Variants in FKBP5 observed in about 807,000 individuals in gnomAD.
FKBP5 encodes the protein peptidyl-prolyl cis-trans isomerase FKBP5.
A neutral mutation model predicts 50.5 loss-of-function variants in FKBP5; 23 were observed. The ratio of observed to expected loss-of-function variants is 0.46; its 90% CI spans 0.33 to 0.65. FKBP5 has a LOEUF of 0.65. Ranked by LOEUF, FKBP5 falls within the 30% of genes least tolerant of loss-of-function variation. The probability of loss-of-function intolerance (pLI) is 0.02; values close to 1 mark genes in which losing one functional copy is unlikely to be tolerated. For missense variants in FKBP5, 411 were observed against 553.1 expected (o/e 0.74, Z 2.58); for synonymous variants, 176 against 190.6 (o/e 0.92, Z 0.63).
chr6:35,586,903 G>A (rs907664472), intron 8 of FKBP5, 131 bp downstream of exon 8: 2 of 1,519,478 alleles, frequency 1.3e-6, no homozygotes, highest in African/African-American at 2.8e-5. Flanking sequence ...GAAAATGACA[G>A]ATTTATAAAA....
At chr6:35,587,966 A>G (rs1762658100) in intron 7 of FKBP5, among the ~76,000 whole-genome samples, 2 of 152,122 alleles carry the variant, frequency 1.3e-5, no homozygotes, top group Non-Finnish European at 2.9e-5. Context: ...TTCAAAAGAT[A>G]ACGAGTGTGT....
At chr6:35,655,386 AG>A (rs140593717) in intron 1 of FKBP5, among the ~76,000 whole-genome samples, 7 of 152,272 alleles carry the variant, frequency 4.6e-5, no homozygotes, top group Admixed American at 1.3e-4. Context: ...TTATTTGTCT[AG>A]GTTTTCTATA....
intron 8 of FKBP5, chr6:35,586,468 C>T (rs548958583): frequency 5.5e-5 from 54 of 986,832 alleles, no homozygotes; most frequent in Non-Finnish European, 6.4e-5. Flanking sequence ...TTCATCAAGA[C>T]AGTCTAAAGG....
At chr6:35,622,337 TCC>T (rs1407321367) in intron 3 of FKBP5, among the ~76,000 whole-genome samples, 10 of 151,894 alleles carry the variant, frequency 6.6e-5, no homozygotes, top group Non-Finnish European at 1.5e-4. Flanking sequence ...ATAGTGAAAC[TCC>T]ATCTCTACAA....
chr6:35,713,100 A>G (rs996731549), intron 2 of FKBP5, among the ~76,000 whole-genome samples: 17 of 150,684 alleles, frequency 1.1e-4, no homozygotes, highest in African/African-American at 4.1e-4. Flanking sequence ...AAAAAAAAAA[A>G]AAAGAAGAAG....
At chr6:35,710,619 A>AT (rs1418233713) in intron 2 of FKBP5, among the ~76,000 whole-genome samples, 1 of 152,250 alleles carries the variant, frequency 6.6e-6, no homozygotes, top group African/African-American at 2.4e-5. Context: ...GCATACACAC[A>AT]TTTGCCATAC....
intron 5 of FKBP5, among the ~76,000 whole-genome samples, chr6:35,615,639 T>C (rs1230274008): frequency 2.0e-5 from 3 of 152,152 alleles, no homozygotes; most frequent in African/African-American, 4.8e-5. Context: ...AGGATTCAAA[T>C]TAATGTAGAG....
chr6:35,669,825 A>T (rs1393059909), intron 1 of FKBP5, among the ~76,000 whole-genome samples: 1 of 152,222 alleles, frequency 6.6e-6, no homozygotes, highest in East Asian at 1.9e-4. Flanking sequence ...TGAAAAATTG[A>T]AAAAGCTTTC....
At chr6:35,705,243 TATATATATA>T (rs1766280050) in intron 2 of FKBP5, among the ~76,000 whole-genome samples, 1 of 2,860 alleles carries the variant, frequency 3.5e-4, no homozygotes, top group Non-Finnish European at 4.6e-4. Flanking sequence ...TATATATATA[TATATATATA>T]TATATATTTT....
chr6:35,611,952 C>T (rs758841709), intron 5 of FKBP5, among the ~76,000 whole-genome samples: 1 of 152,042 alleles, frequency 6.6e-6, no homozygotes, highest in Non-Finnish European at 1.5e-5. Flanking sequence ...TTCCCCGGAA[C>T]CTTGAGAAAT....
chr6:35,650,986 C>T (rs1170707917), intron 1 of FKBP5, among the ~76,000 whole-genome samples: 4 of 152,086 alleles, frequency 2.6e-5, no homozygotes, highest in African/African-American at 9.7e-5. Flanking sequence ...GAGCAGGTGA[C>T]GTCTTACCCA....
chr6:35,656,892 T>C (rs1418355788), intron 1 of FKBP5, among the ~76,000 whole-genome samples: 1 of 59,428 alleles, frequency 1.7e-5, no homozygotes, highest in African/African-American at 8.1e-5. Context: ...CAAGACTCCG[T>C]CTCAAAAAAA....
intron 2 of FKBP5, among the ~76,000 whole-genome samples, chr6:35,704,311 C>G (rs866050312): frequency 2.0e-4 from 30 of 152,180 alleles, no homozygotes; most frequent in African/African-American, 6.0e-4. Context: ...ACTGTGGTTT[C>G]CAGGATGACC....
At chr6:35,671,274 A>AC (rs1364592942) in intron 1 of FKBP5, among the ~76,000 whole-genome samples, 2 of 151,404 alleles carry the variant, frequency 1.3e-5, no homozygotes, top group African/African-American at 2.4e-5. Context: ...AAAAAAAAAA[A>AC]AAAATAATAA....
At chr6:35,674,273 A>C (rs943047209) in intron 1 of FKBP5, among the ~76,000 whole-genome samples, 3 of 152,240 alleles carry the variant, frequency 2.0e-5, no homozygotes, top group Non-Finnish European at 4.4e-5. Flanking sequence ...CTTTACTATC[A>C]AAATTAGCTT....
At chr6:35,685,931 G>A (rs572456628) in intron 1 of FKBP5, among the ~76,000 whole-genome samples, 13 of 144,048 alleles carry the variant, frequency 9.0e-5, no homozygotes, top group African/African-American at 2.6e-4. Context: ...GCAATGAGCC[G>A]AGACTGCGCC....
intron 1 of FKBP5, among the ~76,000 whole-genome samples, chr6:35,670,763 G>T (rs1219493574): frequency 6.7e-6 from 1 of 149,252 alleles, no homozygotes; most frequent in East Asian, 2.0e-4. Context: ...GAAAAGAAAA[G>T]AAAAACTCAT....
At chr6:35,686,460 CAACT>C (rs1018349646) in intron 1 of FKBP5, among the ~76,000 whole-genome samples, 5 of 151,876 alleles carry the variant, frequency 3.3e-5, no homozygotes, top group African/African-American at 9.7e-5. Flanking sequence ...GGACAATAAA[CAACT>C]AATTATTAAT....
At chr6:35,642,415 T>A (rs538550779) in intron 2 of FKBP5, among the ~76,000 whole-genome samples, 1 of 152,222 alleles carries the variant, frequency 6.6e-6, no homozygotes, top group Non-Finnish European at 1.5e-5. Flanking sequence ...CTGAGCAACA[T>A]AATGAGATGC....
Sources: allele counts gnomAD v4.1 joint callset (sites outside exome capture counted in the v4.1 genomes callset), GRCh38; gene constraint gnomAD v4.1.1; transcripts MANE v1.5; gene names NCBI Gene and HGNC (gene_info 2026-07-23, HGNC 2026-07-21).